The following AKNA variants were observed in gnomAD, a reference collection of about 807,000 sequenced individuals.
AKNA encodes microtubule organization protein AKNA.
Under a neutral mutation model 138.8 loss-of-function variants are expected in AKNA, and 67 were observed. The observed-to-expected ratio is 0.48, with a 90% confidence interval of 0.40 to 0.59. The LOEUF is 0.59. AKNA is among the 20% of genes least tolerant of loss of function. The pLI is 0.00. For missense variants in AKNA, 1,813 were observed against 1,880.4 expected (o/e 0.96, Z 0.66); for synonymous variants, 737 against 754.4 (o/e 0.98, Z 0.38).
intron 14 of AKNA, 88 bp from the exon 15 acceptor site, chr9:114,351,109 T>C (rs1298377780): frequency 4.4e-6 from 6 of 1,371,170 alleles, no homozygotes; most frequent in Non-Finnish European, 5.0e-6. Context: ...ATGGGGGAAG[T>C]GAAGAGACGG....
Position 114,385,020 on chromosome 9 carries a change from T to A in AKNA, c.-114+2840A>T, listed in dbSNP as rs147250707. Among the ~76,000 whole-genome samples, 1,148 of 152,176 alleles carry A rather than the reference T, an allele frequency of 7.5e-3. 8 individuals carry two copies. Among genetic ancestry groups the A allele is most frequent in the Middle Eastern group, 0.044 (13 of 294 alleles). On this transcript the variant is annotated intron_variant, in intron 1 of 21. Transcript: ENST00000374088. ...ATGCGCCACCATGCCTGGCTAATTT[T>A]AAAAATTTTTTTTTGTCGAGATGGG...
chr9:114,374,311 G>T, intron 3 of AKNA, 144 bp from the exon 4 acceptor site: 1 of 800,434 alleles, frequency 1.2e-6, no homozygotes, highest in Non-Finnish European at 2.1e-6. Context: ...TCCGAGCTGA[G>T]CAATCTTCAG....
Position 114,385,496 on chromosome 9 carries a change from G to A in AKNA, c.-114+2364C>T, listed in dbSNP as rs76447134. On this transcript the variant is annotated intron_variant, in intron 1 of 21. Coordinates refer to ENST00000374088, the MANE Select transcript of AKNA (RefSeq NM_001317950.2). Reference sequence around the variant, plus strand: ...TGCTGAGGAAGGGGCCGGGGGAGGTGTGCGGTTTTTTGACTTTTTAAAGGG... The same window carrying A: ...TGCTGAGGAAGGGGCCGGGGGAGGTATGCGGTTTTTTGACTTTTTAAAGGG... Among the ~76,000 whole-genome samples the A allele has an allele frequency of 1.3e-3, 198 of 152,336 alleles. 5 individuals are homozygous for A. The East Asian group carries it at 0.031, about 24-fold the overall frequency.
Position 114,364,546 on chromosome 9 carries a change from G to A in AKNA, c.1788+14C>T. 6.2e-7 allele frequency: 1 copy of A among 1,613,638 alleles called. No homozygotes were observed. The highest frequency in any genetic ancestry group is 1.3e-5 in the African/African-American group (1 of 75,026). On this transcript the variant is annotated intron_variant, in intron 7 of 21. Coordinates refer to ENST00000374088, the MANE Select transcript of AKNA (RefSeq NM_001317950.2). ...TCTGGCAGTTCCATGGGTGGCTCCT[G>A]AATTGGGCAGTACCTTGACTTGGTC...
intron 14 of AKNA, 91 bp from the exon 15 acceptor site, chr9:114,351,112 A>C: frequency 7.5e-7 from 1 of 1,338,192 alleles, no homozygotes; most frequent in African/African-American, 1.4e-5. Flanking sequence ...GGGGAAGTGA[A>C]GAGACGGTGC....
Position 114,387,704 on chromosome 9 carries a change from G to A in AKNA, c.-114+156C>T, listed in dbSNP as rs867112636. ...TAAATCCACCCTTGCCCTGGAGGCCGGGATCCCCTAAGCCAAGAGAAAAGC... is the reference window on the plus strand; with the variant it reads ...TAAATCCACCCTTGCCCTGGAGGCCAGGATCCCCTAAGCCAAGAGAAAAGC... On this transcript the variant is annotated intron_variant, in intron 1 of 21. Coordinates refer to ENST00000374088, the MANE Select transcript of AKNA (RefSeq NM_001317950.2). Among the ~76,000 whole-genome samples, 7 of 152,162 alleles carry A rather than the reference G, an allele frequency of 4.6e-5. No individual in the cohort carries two copies. In the South Asian group the frequency reaches 8.3e-4, roughly 18 times the overall value.
intron 14 of AKNA, among the ~76,000 whole-genome samples, chr9:114,351,465 C>T (rs1831114371): frequency 6.6e-6 from 1 of 151,968 alleles, no homozygotes; most frequent in Non-Finnish European, 1.5e-5. Flanking sequence ...AACGAATCTC[C>T]CAAAGGGATG....
At chr9:114,370,978 C>T (rs780767426) in intron 4 of AKNA, among the ~76,000 whole-genome samples, 1 of 152,208 alleles carries the variant, frequency 6.6e-6, no homozygotes, top group African/African-American at 2.4e-5. Context: ...CACCTCAGCT[C>T]TTCCAGATCC....
At chr9:114,343,415 G>C (rs1472837399) in intron 19 of AKNA, among the ~76,000 whole-genome samples, 6 of 152,158 alleles carry the variant, frequency 3.9e-5, no homozygotes, top group African/African-American at 1.4e-4. Flanking sequence ...GGTGAAGGGA[G>C]GATGGAGGGG....
intron 1 of AKNA, among the ~76,000 whole-genome samples, chr9:114,385,492 A>T (rs1196860593): frequency 6.6e-6 from 1 of 151,948 alleles, no homozygotes; most frequent in Non-Finnish European, 1.5e-5. Flanking sequence ...GGGCCGGGGG[A>T]GGTGTGCGGT....
chr9:114,390,680 T>C (rs1000007741), upstream of AKNA, among the ~76,000 whole-genome samples: 3 of 152,194 alleles, frequency 2.0e-5, no homozygotes, highest in African/African-American at 7.2e-5. Context: ...AGAAAGAAGA[T>C]GAAACTCCAC....
chr9:114,388,213 G>A, upstream of AKNA: 1 of 208,688 alleles, frequency 4.8e-6, no homozygotes, highest in Non-Finnish European at 1.0e-5. Flanking sequence ...ACAAACTCCT[G>A]ACGTCCTGGG....
At chr9:114,343,039 A>C (rs7047655) in intron 19 of AKNA, among the ~76,000 whole-genome samples, 60,843 of 152,114 alleles carry the variant, frequency 0.4, 13,678 homozygotes, top group East Asian at 0.53. Flanking sequence ...CAAGTTACTT[A>C]ATCTCTCTGA....
chr9:114,357,499 C>T (rs893033907), intron 12 of AKNA, among the ~76,000 whole-genome samples: 9 of 149,016 alleles, frequency 6.0e-5, no homozygotes, highest in South Asian at 2.2e-4. Context: ...ACCATGGGCT[C>T]GTTAGGACTA....
intron 1 of AKNA, among the ~76,000 whole-genome samples, chr9:114,381,942 C>T (rs1332428951): frequency 1.3e-5 from 2 of 152,182 alleles, no homozygotes; most frequent in African/African-American, 4.8e-5. Context: ...AGCCACCATG[C>T]CCGGCCCCCT....
Position 114,350,746 on chromosome 9 carries a change from C to T in AKNA, c.3221+113G>A, listed in dbSNP as rs760017969. 5.5e-6 allele frequency: 7 copies of T among 1,268,744 alleles called. No homozygotes were observed. The South Asian group carries it at 7.6e-5, about 14-fold the overall frequency. 78.6% of individuals were successfully genotyped at this position (1,268,744 alleles called of 1,614,324 possible). A position where few individuals can be genotyped will look rare whatever the true frequency, so the allele number is the denominator to read the frequency against. ...GACACCTGGGTCCGTCTGCTCCTAC[C>T]ACCACCATCTGTGTGAGCTGGGCAG... On this transcript the variant is annotated intron_variant, in intron 15 of 21. Transcript: ENST00000374088.
intron 15 of AKNA, among the ~76,000 whole-genome samples, chr9:114,350,586 G>C (rs185321420): frequency 1.3e-5 from 2 of 152,360 alleles, no homozygotes. Flanking sequence ...TCGGAAAAGA[G>C]ATGATGGAGA....
chr9:114,361,754 C>A lies in AKNA; in HGVS notation c.2074G>T (p.Ala692Ser). Residue 692 changes from alanine to serine, a missense_variant, in exon 9 of 22, where the codon GCT becomes TCT. Physicochemically the swap from Ala to Ser is moderately conservative, Grantham distance 99. Coordinates refer to ENST00000374088, the MANE Select transcript of AKNA (RefSeq NM_001317950.2). The stretch of plus-strand genomic sequence containing the variant: ...GGCATGGGGGCTTGTCCAGAAGGAG[C>A]AGGCAGGTGCGTTGGCTGATGGAGG... ...PCLHQPTHLP[A>S]PSGQAPMPAI... 1.2e-6 allele frequency: 2 copies of A among 1,613,636 alleles called. No homozygotes were observed. Among genetic ancestry groups the A allele is most frequent in the Non-Finnish European group, 8.5e-7 (1 of 1,180,024 alleles).
upstream of AKNA, among the ~76,000 whole-genome samples, chr9:114,388,821 A>G (rs1281146834): frequency 6.6e-6 from 1 of 152,240 alleles, no homozygotes; most frequent in Non-Finnish European, 1.5e-5. Context: ...AGACATGGAC[A>G]ATAAGCAAGC....
Sources: gnomAD v4.1 joint callset for allele counts (sites outside exome capture counted in the v4.1 genomes callset) on GRCh38, gnomAD v4.1.1 for gene constraint, MANE v1.5 for transcripts, NCBI Gene and HGNC (gene_info 2026-07-23, HGNC 2026-07-21) for gene names.